HOXA3: variants seen among roughly 807,000 people sequenced by gnomAD.
The protein encoded by HOXA3 is homeobox A3.
A neutral mutation model predicts 30.3 loss-of-function variants in HOXA3; 8 were observed. The observed-to-expected ratio is 0.26, with a 90% confidence interval of 0.15 to 0.48. The LOEUF is 0.48. Among genes scored for constraint, HOXA3 ranks in the 20% least tolerant of loss-of-function variants. The probability of loss-of-function intolerance (pLI) is 0.99; values close to 1 mark genes in which losing one functional copy is unlikely to be tolerated. For missense variants in HOXA3, 653 were observed against 614.4 expected (o/e 1.06, Z -0.66); for synonymous variants, 323 against 273.1 (o/e 1.18, Z -1.80).
chr7:27,138,969 GCA>G (rs1352716755), intron 2 of HOXA3, among the ~76,000 whole-genome samples: 2 of 152,186 alleles, frequency 1.3e-5, no homozygotes, highest in Non-Finnish European at 2.9e-5. Context: ...AAACTTTAGA[GCA>G]CAGTTTGGAA....
At chr7:27,138,379 A>G (rs1043617570) in intron 2 of HOXA3, among the ~76,000 whole-genome samples, 3 of 152,156 alleles carry the variant, frequency 2.0e-5, no homozygotes, top group African/African-American at 7.2e-5. Flanking sequence ...TCTGCACAAT[A>G]AGTTTATTGA....
chr7:27,147,615 C>G, intron 1 of HOXA3: 4 of 1,614,190 alleles, frequency 2.5e-6, no homozygotes, highest in Non-Finnish European at 3.4e-6. Flanking sequence ...CCGGGAGACT[C>G]GACGCCCCGT....
chr7:27,130,622 C>A (rs746129531), intron 2 of HOXA3: 5 of 1,562,710 alleles, frequency 3.2e-6, no homozygotes, highest in East Asian at 2.4e-5. Context: ...CCGGGGCCCC[C>A]GCCCGGGCCG....
intron 3 of HOXA3, 77 bp downstream of exon 3, chr7:27,126,809 A>G (rs1468038170): frequency 1.3e-5 from 2 of 152,186 alleles, no homozygotes; most frequent in Non-Finnish European, 2.9e-5. Flanking sequence ...TCATCCTCAT[A>G]CAACTGCCTG....
chr7:27,125,769 C>G (rs1785255148), intron 3 of HOXA3, among the ~76,000 whole-genome samples: 1 of 152,302 alleles, frequency 6.6e-6, no homozygotes, highest in East Asian at 1.9e-4. Flanking sequence ...TACATTGATT[C>G]TTTGGGTTTT....
intron 1 of HOXA3, chr7:27,143,129 G>T (rs1562729047): frequency 3.1e-6 from 5 of 1,606,904 alleles, no homozygotes; most frequent in African/African-American, 1.4e-5. Flanking sequence ...CTGCGCACTC[G>T]CCTGCTCGCT....
At chr7:27,147,246 T>G in intron 1 of HOXA3, 2 of 1,425,028 alleles carry the variant, frequency 1.4e-6, no homozygotes, top group Non-Finnish European at 1.9e-6. Flanking sequence ...TGTTTCCTCC[T>G]TCTTTCTTTC....
chr7:27,109,982 G>T, intron 5 of HOXA3, 133 bp downstream of exon 5: 2 of 1,103,768 alleles, frequency 1.8e-6, no homozygotes, highest in Non-Finnish European at 2.6e-6. Context: ...AAACCTTTTT[G>T]GTGGGCAGTG....
chr7:27,114,890 T>C (rs895780435), intron 4 of HOXA3, among the ~76,000 whole-genome samples: 13 of 124,540 alleles, frequency 1.0e-4, no homozygotes, highest in African/African-American at 3.8e-4. Context: ...TGTATATACA[T>C]ATTTTCCTCA....
At chr7:27,129,858 A>C in intron 2 of HOXA3, 1 of 604,558 alleles carries the variant, frequency 1.7e-6, no homozygotes, top group Non-Finnish European at 2.9e-6. Flanking sequence ...AATTAAATTT[A>C]TGGGGGCTAT....
rs561303614 is a variant in HOXA3 at position 27,108,712 on chromosome 7, A to C, written c.535T>G (p.Cys179Gly). Reference sequence around the variant, plus strand: ...CCCGGCGGGCTCTTGTCGCCAGCGCAGCTTTCGCCTGCGAGGACAGAGAGA... The same window carrying C: ...CCCGGCGGGCTCTTGTCGCCAGCGCCGCTTTCGCCTGCGAGGACAGAGAGA... ...KTSSSSSGES[C>G]AGDKSPPGQA... is the part of the protein sequence containing the mutation. The change falls in exon 6 of 6, where the codon TGC (cysteine) becomes GGC (glycine). Residue 179 changes from cysteine to glycine, a missense_variant. Around this residue, in one of 3 missense-constraint regions of HOXA3, gnomAD observed 320 missense variants for 321.9 expected, o/e 0.99. Transcript: ENST00000612286. This position sits in a 1 kb window ranked among gnomAD's most constrained non-coding sequence, Gnocchi z 5.0. The C allele has an allele frequency of 2.2e-5, 35 of 1,598,560 alleles. No homozygotes were observed. The African/African-American group carries it at 4.4e-4, about 20-fold the overall frequency.
intron 2 of HOXA3, chr7:27,129,266 G>C: frequency 6.2e-7 from 1 of 1,612,456 alleles, no homozygotes. Context: ...CTCGGGTGGG[G>C]GTGGGGATGG....
At position 27,110,765 on chromosome 7, in the gene HOXA3, T is replaced by C. The variant is rs1784325745; in HGVS notation, c.-120-5A>G. The C allele has an allele frequency of 6.8e-7, 1 of 1,470,852 alleles. No homozygotes were observed. Among genetic ancestry groups the C allele is most frequent in the Non-Finnish European group, 9.3e-7 (1 of 1,077,468 alleles). 91.1% of individuals were successfully genotyped at this position (1,470,852 alleles called of 1,614,324 possible). On this transcript the variant is annotated splice_polypyrimidine_tract_variant and splice_region_variant and intron_variant, in intron 4 of 5. Transcript: ENST00000612286. ...CAATGGCCGCCCCGCGCAGACCTGG[T>C]GGGGCGAGAAGCGCAGCGCGGTGAG...
At position 27,122,652 on chromosome 7, in the gene HOXA3, A is replaced by C. The variant is rs1306191627; in HGVS notation, c.-204-10T>G. ...CCGGTGTCCAGGCGCTCTGCAGACAAATAAACAGCAGAAGGTGAATGGCGG... is the reference window on the plus strand; with the variant it reads ...CCGGTGTCCAGGCGCTCTGCAGACACATAAACAGCAGAAGGTGAATGGCGG... On this transcript the variant is annotated splice_polypyrimidine_tract_variant and intron_variant, in intron 3 of 5. Coordinates refer to ENST00000612286, the MANE Select transcript of HOXA3 (RefSeq NM_153631.3). The C allele has an allele frequency of 2.6e-5, 4 of 152,192 alleles. No individual in the cohort carries two copies. Among genetic ancestry groups the C allele is most frequent in the Non-Finnish European group, 5.9e-5 (4 of 68,064 alleles). 9.4% of individuals were successfully genotyped at this position (152,192 alleles called of 1,614,324 possible).
At chr7:27,129,034 T>C in intron 2 of HOXA3, 1 of 641,264 alleles carries the variant, frequency 1.6e-6, no homozygotes, top group Non-Finnish European at 2.8e-6. Flanking sequence ...GGACAACTGT[T>C]CTCTCTTGGG....
In HOXA3 at chr7:27,129,286, C is replaced by T. The variant is rs752940063; in HGVS notation, c.-389-2216G>A. On this transcript the variant is annotated intron_variant, in intron 2 of 5. Transcript: ENST00000612286. ...GTGGGGGTGGGGATGGAGGTGTGGG[C>T]TCTGAGTTTGTGCTTTCCCTGGTGG... is the stretch of plus-strand genomic sequence containing the variant. The T allele has an allele frequency of 3.7e-6, 6 of 1,613,876 alleles. No homozygotes were observed. Among genetic ancestry groups the T allele is most frequent in the Admixed American group, 1.7e-5 (1 of 59,978 alleles).
At chr7:27,111,666 C>T (rs1320578522) in intron 4 of HOXA3, among the ~76,000 whole-genome samples, 1 of 152,040 alleles carries the variant, frequency 6.6e-6, no homozygotes, top group Non-Finnish European at 1.5e-5. Flanking sequence ...CAGAAGGTTC[C>T]CAGAACCTCC....
chr7:27,133,328 C>G (rs1312346051), intron 2 of HOXA3, among the ~76,000 whole-genome samples: 4 of 152,176 alleles, frequency 2.6e-5, no homozygotes, highest in Non-Finnish European at 5.9e-5. Flanking sequence ...CTTGCCTTTA[C>G]ACAATATCCA....
chr7:27,149,801 T>A (rs888274933), intron 1 of HOXA3, among the ~76,000 whole-genome samples: 1 of 152,276 alleles, frequency 6.6e-6, no homozygotes, highest in South Asian at 2.1e-4. Context: ...TGTGTTATTT[T>A]TTTCTTAAAC....
Sources: allele counts gnomAD v4.1 joint callset (sites outside exome capture counted in the v4.1 genomes callset), GRCh38; gene constraint gnomAD v4.1.1; regional missense constraint gnomAD v4.1.1; non-coding constraint Gnocchi (gnomAD v3.1); transcripts MANE v1.5; gene names NCBI Gene and HGNC (gene_info 2026-07-23, HGNC 2026-07-21).